The following ANKRD27 variants were observed in gnomAD, a reference collection of about 807,000 sequenced individuals.
The protein encoded by ANKRD27 is ankyrin repeat domain 27.
In ANKRD27, 112 loss-of-function variants were observed where a neutral mutation model predicts 129.7. The ratio of observed to expected loss-of-function variants is 0.86; its 90% CI spans 0.74 to 1.01. The LOEUF (loss-of-function observed/expected upper bound fraction) is 1.01. Among genes scored for constraint, ANKRD27 ranks in the 50% least tolerant of loss-of-function variants. The pLI, the probability that ANKRD27 is intolerant of heterozygous loss-of-function variation, is 0.00. For missense variants in ANKRD27, 1,258 were observed against 1,300.5 expected (o/e 0.97, Z 0.50); for synonymous variants, 516 against 511.2 (o/e 1.01, Z -0.13).
chr19:32,642,691 C>G (rs1015661023), intron 9 of ANKRD27, among the ~76,000 whole-genome samples: 1 of 151,366 alleles, frequency 6.6e-6, no homozygotes, highest in Non-Finnish European at 1.5e-5. Flanking sequence ...GAGCCGAGAT[C>G]ACACCACTGC....
At chr19:32,630,270 T>C (rs1433232454) in intron 13 of ANKRD27, among the ~76,000 whole-genome samples, 1 of 152,136 alleles carries the variant, frequency 6.6e-6, no homozygotes, top group East Asian at 1.9e-4. Context: ...TGGCTCCAGG[T>C]CGCCTGGAAG....
In ANKRD27 at chr19:32,621,112, AG is replaced by A. The variant is rs562453697; in HGVS notation, c.1827+1309del. On this transcript the variant is annotated intron_variant, in intron 18 of 28. Transcript: ENST00000306065. ...AACAAATTCAAACTGTGCTACTCCA[AG>A]AATAAGATGTGAACAAACTGAAAGA... is the stretch of plus-strand genomic sequence containing the variant. Among the ~76,000 whole-genome samples the A allele has an allele frequency of 1.8e-4, 27 of 152,246 alleles. No individual in the cohort carries two copies. The South Asian group carries it at 5.6e-3, about 32-fold the overall frequency.
chr19:32,648,308 G>T (rs1214399468), intron 3 of ANKRD27, among the ~76,000 whole-genome samples: 1 of 152,094 alleles, frequency 6.6e-6, no homozygotes, highest in East Asian at 1.9e-4. Context: ...GAGCTAAGAA[G>T]AAGTTTTTTT....
intron 18 of ANKRD27, among the ~76,000 whole-genome samples, chr19:32,620,504 A>G (rs1346851555): frequency 2.0e-5 from 3 of 151,084 alleles, no homozygotes; most frequent in African/African-American, 4.9e-5. Context: ...GGGAGGTGGA[A>G]GTTGCAGTGA....
chr19:32,643,426 C>G lies in ANKRD27; in HGVS notation c.639+5G>C. The G allele has an allele frequency of 6.2e-7, 1 of 1,613,874 alleles. No individual in the cohort carries two copies. The stretch of plus-strand genomic sequence containing the variant: ...TGCCTCCCAGCCACTCCGCCCCACC[C>G]TCACCTCCACTGCCTGCTTCATCAG... On this transcript the variant is annotated splice_donor_5th_base_variant and intron_variant, in intron 7 of 28. Transcript: ENST00000306065.
chr19:32,619,061 C>T (rs1405915940), intron 20 of ANKRD27, among the ~76,000 whole-genome samples, 199 bp downstream of exon 20: 1 of 152,240 alleles, frequency 6.6e-6, no homozygotes, highest in African/African-American at 2.4e-5. Context: ...GAAGGGCACA[C>T]CAAAATATAC....
At chr19:32,609,984 T>C (rs1971809873) in intron 22 of ANKRD27, among the ~76,000 whole-genome samples, 2 of 151,920 alleles carry the variant, frequency 1.3e-5, no homozygotes, top group African/African-American at 4.8e-5. Context: ...GAAACCAGCC[T>C]GGACAACACA....
chr19:32,608,192 G>A (rs984658699), intron 22 of ANKRD27: 1 of 170,170 alleles, frequency 5.9e-6, no homozygotes, highest in African/African-American at 5.5e-5. Flanking sequence ...TTTTTTTTTT[G>A]TAGAGATGGG....
chr19:32,659,100 A>T lies in ANKRD27; in HGVS notation c.-30-55T>A. On this transcript the variant is annotated intron_variant, in intron 1 of 28. Transcript: ENST00000306065. ...AGCCATTTTCGAGTTTACGTAACAC[A>T]TGAAAGTCTGCATCTGATGCATCTG... 3 of 864,588 alleles carry T rather than the reference A, an allele frequency of 3.5e-6. No homozygotes were observed. In the South Asian group the frequency reaches 4.1e-5, roughly 12 times the overall value. 53.6% of individuals were successfully genotyped at this position (864,588 alleles called of 1,614,324 possible).
chr19:32,617,718 T>C (rs1807305894), intron 20 of ANKRD27, 85 bp from the exon 21 acceptor site: 3 of 596,694 alleles, frequency 5.0e-6, no homozygotes, highest in Non-Finnish European at 9.2e-6. Context: ...TGAAAATCTA[T>C]TGGCTTGATT....
At chr19:32,661,973 C>A (rs1967653555) in intron 1 of ANKRD27, among the ~76,000 whole-genome samples, 1 of 152,140 alleles carries the variant, frequency 6.6e-6, no homozygotes, top group Non-Finnish European at 1.5e-5. Flanking sequence ...GCATGCCTAT[C>A]CTCTGGCAGG....
intron 14 of ANKRD27, 105 bp from the exon 15 acceptor site, chr19:32,628,270 G>T: frequency 1.1e-6 from 1 of 885,068 alleles, no homozygotes. Context: ...GCGGCTCACA[G>T]GATGCCACCC....
Position 32,631,411 on chromosome 19 carries a change from G to C in ANKRD27, c.1200C>G (p.Cys400Trp). 6.2e-7 allele frequency: 1 copy of C among 1,613,870 alleles called. No individual in the cohort carries two copies. The highest frequency in any genetic ancestry group is 8.5e-7 in the Non-Finnish European group (1 of 1,179,792). ...LSQMTSSPTDCLFKHIASGNQ... is the reference protein window; with the variant it reads ...LSQMTSSPTDWLFKHIASGNQ... ...TGTCTTGGTATCTCACCTTAAACAG[G>C]CAGTCGGTGGGAGACGAAGTCATCT... The change falls in exon 13 of 29, where the codon TGC (cysteine) becomes TGG (tryptophan). Residue 400 changes from cysteine (C) to tryptophan (W), a missense_variant. Physicochemically the swap from Cys to Trp is radical, Grantham distance 215. Coordinates refer to ENST00000306065, the MANE Select transcript of ANKRD27 (RefSeq NM_032139.3).
chr19:32,659,222 C>T (rs1365828967), intron 1 of ANKRD27, among the ~76,000 whole-genome samples, 177 bp from the exon 2 acceptor site: 1 of 147,010 alleles, frequency 6.8e-6, no homozygotes, highest in African/African-American at 2.5e-5. Context: ...GCTGGGACTA[C>T]AGGCGCCCAC....
chr19:32,611,084 G>C (rs983788344), intron 22 of ANKRD27, among the ~76,000 whole-genome samples: 4 of 152,196 alleles, frequency 2.6e-5, no homozygotes, highest in African/African-American at 4.8e-5. Context: ...CAGTTTAGTG[G>C]TGTGTCTTTT....
chr19:32,657,387 C>T (rs62124329), intron 2 of ANKRD27, among the ~76,000 whole-genome samples: 9,831 of 151,094 alleles, frequency 0.065, 553 homozygotes, highest in East Asian at 0.26. Flanking sequence ...GCTTGAACCC[C>T]GGAGGTGGAG....
At chr19:32,643,817 G>T (rs1967249591) in intron 5 of ANKRD27, 186 bp from the exon 6 acceptor site, 1 of 611,914 alleles carries the variant, frequency 1.6e-6, no homozygotes, top group Non-Finnish European at 2.9e-6. Context: ...TCCCCTTGGG[G>T]TTAACACAGA....
At chr19:32,650,326 C>T (rs1162943961) in intron 2 of ANKRD27, among the ~76,000 whole-genome samples, 3 of 152,146 alleles carry the variant, frequency 2.0e-5, no homozygotes, top group African/African-American at 4.8e-5. Context: ...CCAAGGCAGG[C>T]GGATCACTTG....
chr19:32,674,127 A>G (rs906447361), intron 1 of ANKRD27, among the ~76,000 whole-genome samples: 1 of 152,174 alleles, frequency 6.6e-6, no homozygotes, highest in African/African-American at 2.4e-5. Flanking sequence ...ACTGCACTCC[A>G]GACTAGCCAA....
Sources: gnomAD v4.1 joint callset for allele counts (sites outside exome capture counted in the v4.1 genomes callset) on GRCh38, gnomAD v4.1.1 for gene constraint, MANE v1.5 for transcripts, NCBI Gene and HGNC (gene_info 2026-07-23, HGNC 2026-07-21) for gene names.